PHTF2: variants seen among roughly 807,000 people sequenced by gnomAD.
The protein encoded by PHTF2 is putative homeodomain transcription factor 2, also known as protein PHTF2.
A neutral mutation model predicts 101.2 loss-of-function variants in PHTF2; 60 were observed. That is an observed-to-expected ratio of 0.59 (90% CI 0.48 to 0.73). The LOEUF is 0.73. Among genes scored for constraint, PHTF2 ranks in the 30% least tolerant of loss-of-function variants. The probability of loss-of-function intolerance (pLI) is 0.00; values close to 1 mark genes in which losing one functional copy is unlikely to be tolerated. For synonymous variants in PHTF2, 311 were observed against 307.3 expected (o/e 1.01, Z -0.13); for missense variants, 747 against 908.7 (o/e 0.82, Z 2.29).
intron 2 of PHTF2, among the ~76,000 whole-genome samples, chr7:77,853,730 C>G (rs1386943131): frequency 1.3e-5 from 2 of 151,662 alleles, no homozygotes; most frequent in African/African-American, 4.8e-5. Flanking sequence ...CTCTCTCTTT[C>G]TTTTTTTTAA....
chr7:77,891,983 T>A (rs911146639), intron 3 of PHTF2, among the ~76,000 whole-genome samples: 21 of 152,046 alleles, frequency 1.4e-4, no homozygotes, highest in African/African-American at 4.6e-4. Context: ...CAAGATAACG[T>A]ATAAGAGAGA....
intron 16 of PHTF2, among the ~76,000 whole-genome samples, chr7:77,945,121 C>G (rs2150984036): frequency 6.6e-6 from 1 of 152,318 alleles, no homozygotes; most frequent in Middle Eastern, 3.4e-3. Context: ...AGTCAGAGCA[C>G]TTGAGGTCAG....
chr7:77,899,185 C>T (rs1427894384), intron 5 of PHTF2, among the ~76,000 whole-genome samples: 2 of 152,150 alleles, frequency 1.3e-5, no homozygotes, highest in Non-Finnish European at 2.9e-5. Context: ...CTGTTTTAAG[C>T]ACTATACTTG....
At chr7:77,806,730 T>TCTTTTTAC (rs1159872293) in intron 1 of PHTF2, among the ~76,000 whole-genome samples, 1 of 152,210 alleles carries the variant, frequency 6.6e-6, no homozygotes, top group Non-Finnish European at 1.5e-5. Flanking sequence ...TTTCATCTGT[T>TCTTTTTAC]CTTTTTACCT....
intron 3 of PHTF2, among the ~76,000 whole-genome samples, chr7:77,884,163 G>A (rs571775111): frequency 1.0e-3 from 154 of 152,252 alleles, no homozygotes; most frequent in African/African-American, 3.5e-3. Flanking sequence ...TTAAAATCCA[G>A]CACTCCAAAT....
chr7:77,865,407 G>A (rs1038273694), intron 3 of PHTF2, among the ~76,000 whole-genome samples: 3 of 151,964 alleles, frequency 2.0e-5, no homozygotes, highest in African/African-American at 7.2e-5. Flanking sequence ...TGTATTTTTA[G>A]TAGAGACGGG....
rs11442975 is a variant in PHTF2, at chr7:77,890,904, C to CTTT, written c.148-2684_148-2682dup. On this transcript the variant is annotated intron_variant, in intron 3 of 19. Coordinates refer to ENST00000416283, the Ensembl canonical transcript of PHTF2. ...ACAGGCGTGAGCCACCGCACCCGGC[C>CTTT]TTTTTTTTTTTTTTTTTTTTTTGAG... Among the ~76,000 whole-genome samples, 81 of 92,932 alleles carry CTTT rather than the reference C, an allele frequency of 8.7e-4. 2 individuals carry two copies. The highest frequency in any genetic ancestry group is 2.5e-3 in the African/African-American group (50 of 20,250). 61.0% of individuals were successfully genotyped at this position (92,932 alleles called of 152,430 possible).
chr7:77,835,027 C>T (rs1795341948), intron 1 of PHTF2, among the ~76,000 whole-genome samples: 1 of 152,250 alleles, frequency 6.6e-6, no homozygotes, highest in East Asian at 1.9e-4. Context: ...AATTCCAGCA[C>T]TTTTGGAGGC....
chr7:77,883,975 G>A (rs981674435), intron 3 of PHTF2, among the ~76,000 whole-genome samples: 4 of 152,174 alleles, frequency 2.6e-5, no homozygotes, highest in African/African-American at 7.2e-5. Flanking sequence ...TTACATTTCA[G>A]TTCTGTGAAA....
intron 2 of PHTF2, among the ~76,000 whole-genome samples, chr7:77,845,403 A>G (rs1796198520): frequency 2.0e-5 from 3 of 152,242 alleles, no homozygotes; most frequent in African/African-American, 7.2e-5. Context: ...GCTGAGGAAG[A>G]ACTGTATGAT....
intron 1 of PHTF2, among the ~76,000 whole-genome samples, chr7:77,815,001 C>T (rs553244658): frequency 1.5e-4 from 23 of 151,934 alleles, no homozygotes; most frequent in African/African-American, 2.9e-4. Flanking sequence ...CATTTGAATC[C>T]GGGAGGTGGA....
At chr7:77,851,553 T>C (rs1796761606) in intron 2 of PHTF2, among the ~76,000 whole-genome samples, 1 of 152,008 alleles carries the variant, frequency 6.6e-6, no homozygotes, top group Non-Finnish European at 1.5e-5. Flanking sequence ...CTTATTTCAT[T>C]GATCTTTTGT....
At chr7:77,954,781 A>G (rs959596799) in intron 19 of PHTF2, 77 bp from the exon 19 acceptor site, 1 of 771,068 alleles carries the variant, frequency 1.3e-6, no homozygotes, top group Non-Finnish European at 2.2e-6. Flanking sequence ...TTTGAATTTA[A>G]AAATGGTGTT....
intron 1 of PHTF2, among the ~76,000 whole-genome samples, chr7:77,800,402 A>ATG (rs1792442011): frequency 6.6e-6 from 1 of 152,210 alleles, no homozygotes; most frequent in African/African-American, 2.4e-5. Flanking sequence ...GGCTGTCTGA[A>ATG]TGCATCTGAT....
chr7:77,809,293 C>G (rs1793242038), intron 1 of PHTF2, among the ~76,000 whole-genome samples: 1 of 132,912 alleles, frequency 7.5e-6, no homozygotes, highest in Non-Finnish European at 1.5e-5. Context: ...GTGGAGCGAT[C>G]TTGGCTCACT....
At chr7:77,844,983 C>T (rs1422799879) in intron 2 of PHTF2, among the ~76,000 whole-genome samples, 1 of 152,120 alleles carries the variant, frequency 6.6e-6, no homozygotes, top group Non-Finnish European at 1.5e-5. Flanking sequence ...CTTGGAGGAA[C>T]TGTTAATGCA....
chr7:77,864,189 T>C (rs1437184842), intron 3 of PHTF2, among the ~76,000 whole-genome samples: 1 of 152,200 alleles, frequency 6.6e-6, no homozygotes, highest in African/African-American at 2.4e-5. Flanking sequence ...CTTGAAAGTG[T>C]TACAGGAACT....
intron 1 of PHTF2, among the ~76,000 whole-genome samples, chr7:77,824,892 G>T (rs943743165): frequency 1.3e-5 from 2 of 151,176 alleles, no homozygotes; most frequent in Non-Finnish European, 2.9e-5. Context: ...AACGTTAGCC[G>T]AGTGTGGTGG....
At chr7:77,901,501 G>A (rs1801391058) in intron 6 of PHTF2, among the ~76,000 whole-genome samples, 1 of 151,960 alleles carries the variant, frequency 6.6e-6, no homozygotes, top group Non-Finnish European at 1.5e-5. Flanking sequence ...AACAATTAAA[G>A]TGGTGATTTG....
Sources: gnomAD v4.1 joint callset for allele counts (sites outside exome capture counted in the v4.1 genomes callset) on GRCh38, gnomAD v4.1.1 for gene constraint, MANE v1.5 for transcripts, NCBI Gene and HGNC (gene_info 2026-07-23, HGNC 2026-07-21) for gene names.